Variants in CDKL1 observed in about 807,000 individuals in gnomAD.
CDKL1 encodes cyclin dependent kinase like 1, also known as cyclin-dependent kinase-like 1.
Under a neutral mutation model 42.0 loss-of-function variants are expected in CDKL1, and 41 were observed. That is an observed-to-expected ratio of 0.98 (90% CI 0.76 to 1.27). The LOEUF (loss-of-function observed/expected upper bound fraction) is 1.27. Ranked by LOEUF, CDKL1 falls within the 50% of genes most tolerant of loss-of-function variation. The probability of loss-of-function intolerance (pLI) is 0.00; values close to 1 mark genes in which losing one functional copy is unlikely to be tolerated. For synonymous variants in CDKL1, 153 were observed against 158.6 expected (o/e 0.96, Z 0.26); for missense variants, 394 against 428.4 (o/e 0.92, Z 0.71).
intron 8 of CDKL1, 178 bp from the exon 9 acceptor site, chr14:50,332,610 A>G: frequency 6.7e-7 from 1 of 1,496,842 alleles, no homozygotes; most frequent in Non-Finnish European, 9.0e-7. Context: ...GCACTCACAT[A>G]TTAAATAAAT....
Position 50,329,961 on chromosome 14 carries a change from G to A in CDKL1, c.*113C>T. 2 of 1,301,878 alleles carry A rather than the reference G, an allele frequency of 1.5e-6. No homozygotes were observed. The highest frequency in any genetic ancestry group is 1.0e-6 in the Non-Finnish European group (1 of 982,812). The allele number at this position is 1,301,878 out of a possible 1,614,324, so 80.6% of individuals were successfully genotyped here. A position where few individuals can be genotyped will look rare whatever the true frequency, so the allele number is the denominator to read the frequency against. On this transcript the variant is annotated 3_prime_UTR_variant, in exon 10 of 10. Coordinates refer to ENST00000395834, the MANE Select transcript of CDKL1 (RefSeq NM_004196.7). ...GTTGGCCTCCCAGTTTCTTGCTTAT[G>A]TTTTCTCCTGGTGTGTTTTCAACAT...
chr14:50,369,347 A>T (rs2034523392), intron 2 of CDKL1, among the ~76,000 whole-genome samples: 1 of 151,682 alleles, frequency 6.6e-6, no homozygotes, highest in Non-Finnish European at 1.5e-5. Context: ...CCCACTCCCT[A>T]TTGCTCCCTG....
chr14:50,349,285 C>T (rs371824943), intron 3 of CDKL1, among the ~76,000 whole-genome samples: 2 of 152,132 alleles, frequency 1.3e-5, no homozygotes, highest in African/African-American at 4.8e-5. Context: ...AAGCCTATAT[C>T]CAAACAAAAT....
chr14:50,328,444 A>G lies in CDKL1; in HGVS notation c.*1630T>C, dbSNP rs2032788430. 6.6e-6 allele frequency: 1 copy of G among 152,160 alleles called. No homozygotes were observed. Among genetic ancestry groups the G allele is most frequent in the Non-Finnish European group, 1.5e-5 (1 of 68,040 alleles). The allele number at this position is 152,160 out of a possible 1,614,324, so 9.4% of individuals were successfully genotyped here. ...CAGACCTCAGTGGATTACTTAAGTA[A>G]ATGGGGTCAGATGTCATCATGAAGA... On this transcript the variant is annotated 3_prime_UTR_variant, in exon 10 of 10. Transcript: ENST00000395834.
At chr14:50,372,014 G>GGAGGGAGGCCAAGGGAGGCC (rs2034604723) in intron 2 of CDKL1, among the ~76,000 whole-genome samples, 1 of 152,236 alleles carries the variant, frequency 6.6e-6, no homozygotes, top group Non-Finnish European at 1.5e-5. Flanking sequence ...ACTGAGCATA[G>GGAGGGAGGCCAAGGGAGGCC]GAGGGAGGCC....
In CDKL1 at chr14:50,370,785, G is replaced by A. The variant is rs147533449; in HGVS notation, c.169-11636C>T. Among the ~76,000 whole-genome samples the A allele has an allele frequency of 3.0e-3, 461 of 152,254 alleles. 5 individuals are homozygous for A. Among genetic ancestry groups the A allele is most frequent in the African/African-American group, 0.01 (435 of 41,548 alleles). On this transcript the variant is annotated intron_variant, in intron 2 of 9. Coordinates refer to ENST00000395834, the MANE Select transcript of CDKL1 (RefSeq NM_004196.7). ...GGAGAGAGAGGGAATTGGCAGTGGGGCATACCTGTTTAAATGACCAGATCT... is the reference window on the plus strand; with the variant it reads ...GGAGAGAGAGGGAATTGGCAGTGGGACATACCTGTTTAAATGACCAGATCT...
intron 2 of CDKL1, 45 bp downstream of exon 2, chr14:50,395,656 A>G (rs746936914): frequency 2.3e-6 from 3 of 1,330,906 alleles, no homozygotes; most frequent in Non-Finnish European, 3.2e-6. Flanking sequence ...GACAGAGTGA[A>G]ACCCTGTCTC....
intron 3 of CDKL1, chr14:50,357,984 A>C: frequency 1.5e-5 from 18 of 1,237,610 alleles, no homozygotes; most frequent in Non-Finnish European, 1.9e-5. Context: ...GAAAACACCC[A>C]GCTGAGGAGT....
chr14:50,347,053 T>C (rs2033751445), intron 3 of CDKL1, among the ~76,000 whole-genome samples: 1 of 152,224 alleles, frequency 6.6e-6, no homozygotes, highest in Non-Finnish European at 1.5e-5. Context: ...AAGTAAATTA[T>C]AGTTGCATAT....
chr14:50,371,045 TC>T (rs2034577176), intron 2 of CDKL1, among the ~76,000 whole-genome samples: 1 of 152,240 alleles, frequency 6.6e-6, no homozygotes, highest in African/African-American at 2.4e-5. Context: ...AGCATAATGT[TC>T]CCCAATTTCA....
intron 8 of CDKL1, chr14:50,334,292 G>T: frequency 3.7e-6 from 1 of 269,554 alleles, no homozygotes; most frequent in East Asian, 7.0e-5. Flanking sequence ...GAGTAGTCGG[G>T]ATTACAGGCG....
chr14:50,345,114 T>C (rs759425517), intron 3 of CDKL1, 56 bp from the exon 4 acceptor site: 2 of 1,498,738 alleles, frequency 1.3e-6, no homozygotes, highest in Non-Finnish European at 9.2e-7. Context: ...GGAATTCAGC[T>C]CAAGAAAAGA....
Position 50,326,714 on chromosome 14 carries a change from T to C in CDKL1, c.*3360A>G, listed in dbSNP as rs113730157. On this transcript the variant is annotated 3_prime_UTR_variant, in exon 10 of 10. Transcript: ENST00000395834. ...ATATAATAAAGGAAACAGTAAAAAC[T>C]AGTGGGCTATGCTTAGGTTTTTCTT... The C allele has an allele frequency of 4.9e-5, 48 of 985,414 alleles. No individual in the cohort carries two copies. The African/African-American group carries it at 7.3e-4, about 15-fold the overall frequency. 61.0% of individuals were successfully genotyped at this position (985,414 alleles called of 1,614,324 possible). A position where few individuals can be genotyped will look rare whatever the true frequency, so the allele number is the denominator to read the frequency against.
chr14:50,329,036 C>CATATATATATATATAT lies in CDKL1; in HGVS notation c.*1022_*1037dup, dbSNP rs57657571. ...TGTAATATATTAGTTGTTAGAATAGCATATATATATATATATATATATATA... is the reference window on the plus strand; with the variant it reads ...TGTAATATATTAGTTGTTAGAATAGCATATATATATATATATATATATATATATATATATATATATA... On this transcript the variant is annotated 3_prime_UTR_variant, in exon 10 of 10. Transcript: ENST00000395834. 4.3e-4 allele frequency: 61 copies of CATATATATATATATAT among 140,550 alleles called. No individual in the cohort carries two copies. The highest frequency in any genetic ancestry group is 7.9e-4 in the Admixed American group (11 of 13,876). The allele number at this position is 140,550 out of a possible 1,614,324, so 8.7% of individuals were successfully genotyped here.
intron 2 of CDKL1, among the ~76,000 whole-genome samples, chr14:50,372,679 T>G (rs1051168745): frequency 6.6e-6 from 1 of 152,232 alleles, no homozygotes; most frequent in Non-Finnish European, 1.5e-5. Flanking sequence ...ACAGTTTAAG[T>G]CTTTAATCTA....
At chr14:50,342,043 C>A in intron 5 of CDKL1, 89 bp downstream of exon 5, 2 of 1,021,170 alleles carry the variant, frequency 2.0e-6, no homozygotes, top group Non-Finnish European at 3.0e-6. Flanking sequence ...CAAGTACTAT[C>A]TTGTATACTT....
At chr14:50,394,369 A>G (rs2035340627) in intron 2 of CDKL1, among the ~76,000 whole-genome samples, 1 of 152,214 alleles carries the variant, frequency 6.6e-6, no homozygotes, top group Non-Finnish European at 1.5e-5. Flanking sequence ...TCTCCTCTCA[A>G]TAGATAATAT....
intron 2 of CDKL1, among the ~76,000 whole-genome samples, chr14:50,386,547 T>C (rs1334505497): frequency 6.6e-6 from 1 of 152,230 alleles, no homozygotes; most frequent in Non-Finnish European, 1.5e-5. Flanking sequence ...CACTTCTGTA[T>C]ATTTTGATTT....
chr14:50,379,972 C>T, intron 2 of CDKL1: 1 of 382,798 alleles, frequency 2.6e-6, no homozygotes, highest in Non-Finnish European at 5.3e-6. Flanking sequence ...ACCCCAAATG[C>T]TACCATGGCC....
Sources: allele counts gnomAD v4.1 joint callset (sites outside exome capture counted in the v4.1 genomes callset), GRCh38; gene constraint gnomAD v4.1.1; transcripts MANE v1.5; gene names NCBI Gene and HGNC (gene_info 2026-07-23, HGNC 2026-07-21).